NFKBIA: variants seen among roughly 807,000 people sequenced by gnomAD.
NFKBIA encodes NF-kappa-B inhibitor alpha.
Under a neutral mutation model 36.3 loss-of-function variants are expected in NFKBIA, and 10 were observed. The observed-to-expected ratio is 0.28, with a 90% CI of 0.17 to 0.47. The LOEUF (loss-of-function observed/expected upper bound fraction) is 0.47. Ranked by LOEUF, NFKBIA falls within the 20% of genes least tolerant of loss-of-function variation. The pLI is 0.99. For missense variants in NFKBIA, 355 were observed against 399.3 expected (o/e 0.89, Z 0.94); for synonymous variants, 205 against 164.4 (o/e 1.25, Z -1.89).
chr14:35,402,933 C>T, intron 3 of NFKBIA, 74 bp from the exon 4 acceptor site: 1 of 1,447,266 alleles, frequency 6.9e-7, no homozygotes. Flanking sequence ...TTTTATGGAA[C>T]AAGTAGTCTT....
At position 35,401,711 on chromosome 14, in the gene NFKBIA, T is replaced by G. The variant is rs886050475; in HGVS notation, c.*302A>C. The stretch of plus-strand genomic sequence containing the variant: ...CTGGGGTCAGTCACTCGAAGCACAA[T>G]AAATATAAAATGTGGTCCTTCCATG... On this transcript the variant is annotated 3_prime_UTR_variant, in exon 6 of 6. Transcript: ENST00000216797. 1 of 482,318 alleles carries G rather than the reference T, an allele frequency of 2.1e-6. No individual in the cohort carries two copies. The highest frequency in any genetic ancestry group is 3.6e-5 in the East Asian group (1 of 27,782). 29.9% of individuals were successfully genotyped at this position (482,318 alleles called of 1,614,324 possible).
chr14:35,402,004 C>A lies in NFKBIA; in HGVS notation c.*9G>T, dbSNP rs777883239. The A allele has an allele frequency of 6.2e-7, 1 of 1,613,452 alleles. No homozygotes were observed. On this transcript the variant is annotated 3_prime_UTR_variant, in exon 6 of 6. Transcript: ENST00000216797. ...TATACAAGTCCATGTTCTTTCAGCC[C>A]CTTTGCGCTCATAACGTCAGACGCT...
At chr14:35,403,480 C>T in intron 2 of NFKBIA, 120 bp from the exon 3 acceptor site, 1 of 1,136,728 alleles carries the variant, frequency 8.8e-7, no homozygotes, top group Non-Finnish European at 1.3e-6. Flanking sequence ...GTGGGGAGGG[C>T]TGGCAAATAG....
At position 35,402,474 on chromosome 14, in the gene NFKBIA, T is replaced by C. The variant is rs1347383782; in HGVS notation, c.826A>G (p.Asn276Asp). The change falls in exon 5 of 6, where the codon AAC (asparagine) becomes GAC (aspartate). Residue 276 changes from asparagine (N) to aspartate (D), a missense_variant. By Grantham distance (23) the Asn-to-Asp change is conservative (BLOSUM62 1). Coordinates refer to ENST00000216797, the MANE Select transcript of NFKBIA (RefSeq NM_020529.3). Reference protein sequence around the residue: ...QQQLGQLTLENLQMLPESEDE... With the variant: ...QQQLGQLTLEDLQMLPESEDE... ...TCACTCTCTGGCAGCATCTGAAGGTTTTCTAGTGTCAGCTGGCCCAGCTGC... is the reference window on the plus strand; with the variant it reads ...TCACTCTCTGGCAGCATCTGAAGGTCTTCTAGTGTCAGCTGGCCCAGCTGC... 2 of 1,614,016 alleles carry C rather than the reference T, an allele frequency of 1.2e-6. No individual in the cohort carries two copies. Among genetic ancestry groups the C allele is most frequent in the Non-Finnish European group, 1.7e-6 (2 of 1,180,040 alleles).
In NFKBIA at chr14:35,403,279, G is replaced by A; in HGVS notation, c.418C>T (p.Arg140Ter). ...LLGAGCDPEL[R>*]DFRGNTPLHL... ...AGGGGGGTATTTCCTCGAAAGTCTC[G>A]GAGCTCAGGATCACAGCCAGCTCCC... The change falls in exon 3 of 6, where the codon CGA (arginine) becomes TGA (stop). Residue 140 changes from arginine (R) to a stop codon, truncating the protein, a stop_gained. Coordinates refer to ENST00000216797, the MANE Select transcript of NFKBIA (RefSeq NM_020529.3). LOFTEE classifies it high-confidence loss of function. 1 of 1,613,912 alleles carries A rather than the reference G, an allele frequency of 6.2e-7. No homozygotes were observed. The highest frequency in any genetic ancestry group is 8.5e-7 in the Non-Finnish European group (1 of 1,180,024).
chr14:35,403,273 A>C lies in NFKBIA; in HGVS notation c.424T>G (p.Phe142Val). The change falls in exon 3 of 6, where the codon TTT becomes GTT. Residue 142 changes from phenylalanine (F) to valine (V), a missense_variant. By Grantham distance (50) the Phe-to-Val change is conservative. Coordinates refer to ENST00000216797, the MANE Select transcript of NFKBIA (RefSeq NM_020529.3). ...GAGCDPELRD[F>V]RGNTPLHLAC... is the part of the protein sequence containing the mutation. ...AGGTGTAGGGGGGTATTTCCTCGAA[A>C]GTCTCGGAGCTCAGGATCACAGCCA... 6.2e-7 allele frequency: 1 copy of C among 1,613,856 alleles called. No homozygotes were observed. The highest frequency in any genetic ancestry group is 8.5e-7 in the Non-Finnish European group (1 of 1,180,020).
At chr14:35,402,281 T>C in intron 5 of NFKBIA, 113 bp downstream of exon 5, 1 of 1,362,316 alleles carries the variant, frequency 7.3e-7, no homozygotes, top group Admixed American at 1.7e-5. Flanking sequence ...CACAGAAATT[T>C]GAGAGACTCA....
At position 35,404,489 on chromosome 14, in the gene NFKBIA, G is replaced by A. The variant is rs369801548; in HGVS notation, c.156C>T (p.Ile52=). 2.5e-6 allele frequency: 4 copies of A among 1,603,532 alleles called. No individual in the cohort carries two copies. The highest frequency in any genetic ancestry group is 2.6e-6 in the Non-Finnish European group (3 of 1,175,584). Residue 52 remains isoleucine (I), a synonymous_variant, in exon 1 of 6, where the codon ATC becomes ATT. Transcript: ENST00000216797. The part of the protein sequence containing the change: ...YEQMVKELQE[I]RLEPQEVPRG... ...GCGGCACCTCCTGCGGCTCGAGGCG[G>A]ATCTCCTGCAGCTCCTTGACCATCT...
chr14:35,403,903 C>T (rs2052757769), intron 1 of NFKBIA, 105 bp from the exon 2 acceptor site: 1 of 821,486 alleles, frequency 1.2e-6, no homozygotes, highest in Admixed American at 2.0e-5. Context: ...TTTCTGGAGG[C>T]CGAGGCCGCG....
chr14:35,403,906 A>AGGCCGC (rs2052757859), intron 1 of NFKBIA, 108 bp from the exon 2 acceptor site: 14 of 805,866 alleles, frequency 1.7e-5, no homozygotes, highest in South Asian at 1.6e-4. Flanking sequence ...CTGGAGGCCG[A>AGGCCGC]GGCCGCGGTG....
chr14:35,402,409 C>T lies in NFKBIA; in HGVS notation c.891G>A (p.Glu297=), dbSNP rs2138830341. 2 of 1,614,136 alleles carry T rather than the reference C, an allele frequency of 1.2e-6. No homozygotes were observed. Among genetic ancestry groups the T allele is most frequent in the Non-Finnish European group, 1.7e-6 (2 of 1,180,022 alleles). Reference sequence around the variant, plus strand: ...ACAGACTCACCTCGTCCTCTGTGAACTCCGTGAACTCTGACTCTGTGTCAT... The same window carrying T: ...ACAGACTCACCTCGTCCTCTGTGAATTCCGTGAACTCTGACTCTGTGTCAT... ...ESYDTESEFT[E]FTEDELPYDD... The change falls in exon 5 of 6, where the codon GAG becomes GAA. Residue 297 remains glutamate (E), a synonymous_variant. Coordinates refer to ENST00000216797, the MANE Select transcript of NFKBIA (RefSeq NM_020529.3).
intron 1 of NFKBIA, 59 bp downstream of exon 1, chr14:35,404,359 C>A (rs1202003700): frequency 1.9e-6 from 2 of 1,073,430 alleles, no homozygotes; most frequent in Non-Finnish European, 1.3e-6. Flanking sequence ...CCTCCCACCC[C>A]CAGGCCGCGC....
In NFKBIA at chr14:35,403,152, T is replaced by C. The variant is rs1280331187; in HGVS notation, c.545A>G (p.Asn182Ser). 1 of 1,610,252 alleles carries C rather than the reference T, an allele frequency of 6.2e-7. No individual in the cohort carries two copies. Among genetic ancestry groups the C allele is most frequent in the Non-Finnish European group, 8.5e-7 (1 of 1,178,648 alleles). ...LHSILKATNYNGHTCLHLASI... is the reference protein window; with the variant it reads ...LHSILKATNYSGHTCLHLASI... Reference sequence around the variant, plus strand: ...GCAGGGCAGGGAGGCAGACATACCATTGTAGTTGGTAGCCTTCAGGATGGA... The same window carrying C: ...GCAGGGCAGGGAGGCAGACATACCACTGTAGTTGGTAGCCTTCAGGATGGA... The change falls in exon 3 of 6, where the codon AAT becomes AGT. Residue 182 changes from asparagine to serine, a missense_variant and splice_region_variant. By Grantham distance (46) the Asn-to-Ser change is conservative (BLOSUM62 1). Coordinates refer to ENST00000216797, the MANE Select transcript of NFKBIA (RefSeq NM_020529.3).
chr14:35,403,826 G>A (rs1415890521), intron 1 of NFKBIA, 28 bp from the exon 2 acceptor site: 24 of 1,549,836 alleles, frequency 1.5e-5, no homozygotes, highest in Non-Finnish European at 2.1e-5. Flanking sequence ...AAAAACCCCA[G>A]GGGTGGTGAG....
At chr14:35,404,373 T>TGCC in intron 1 of NFKBIA, 45 bp downstream of exon 1, 9 of 803,532 alleles carry the variant, frequency 1.1e-5, no homozygotes, top group African/African-American at 1.9e-5. Context: ...GCCGCGCGCG[T>TGCC]CCCGCCCTCC....
intron 4 of NFKBIA, 41 bp from the exon 5 acceptor site, chr14:35,402,704 G>A (rs374577878): frequency 8.7e-6 from 14 of 1,614,046 alleles, no homozygotes; most frequent in African/African-American, 5.3e-5. Flanking sequence ...GGCTGCATTT[G>A]GAATTTCTGC....
In NFKBIA at chr14:35,403,683, G is replaced by T; in HGVS notation, c.336+7C>A. ...CAGAGAGAACCCGGGCCAGGCAAGC[G>T]GCGCACCTGCTGCAGGTTGTTCTGG... On this transcript the variant is annotated splice_region_variant and intron_variant, in intron 2 of 5. Transcript: ENST00000216797. 6.2e-7 allele frequency: 1 copy of T among 1,605,482 alleles called. No homozygotes were observed.
chr14:35,403,115 C>T lies in NFKBIA; in HGVS notation c.547+35G>A, dbSNP rs772881547. 24 of 1,600,854 alleles carry T rather than the reference C, an allele frequency of 1.5e-5. No homozygotes were observed. In the African/African-American group the frequency reaches 2.9e-4, roughly 20 times the overall value. ...CCCCTTCTCCACGTCACCTGCCCTC[C>T]GAGGGGGTGGGGCAGGGCAGGGAGG... On this transcript the variant is annotated intron_variant, in intron 3 of 5. Coordinates refer to ENST00000216797, the MANE Select transcript of NFKBIA (RefSeq NM_020529.3).
intron 1 of NFKBIA, chr14:35,404,145 C>G: frequency 2.7e-6 from 1 of 372,998 alleles, no homozygotes; most frequent in Non-Finnish European, 4.9e-6. Flanking sequence ...GCCCCGCCCC[C>G]GGCCTAGAGG....
Sources: gnomAD v4.1 joint callset for allele counts on GRCh38, gnomAD v4.1.1 for gene constraint, MANE v1.5 for transcripts, NCBI Gene and HGNC (gene_info 2026-07-23, HGNC 2026-07-21) for gene names.